The following PLEKHM3 variants were observed in gnomAD, a reference collection of about 807,000 sequenced individuals.
The protein encoded by PLEKHM3 is pleckstrin homology domain-containing family M member 3.
In PLEKHM3, 45 loss-of-function variants were observed where a neutral mutation model predicts 81.8. That is an observed-to-expected ratio of 0.55 (90% CI 0.43 to 0.71). The LOEUF (loss-of-function observed/expected upper bound fraction) is 0.71, where lower values mean the gene tolerates loss of function less well. PLEKHM3 is among the 30% of genes least tolerant of loss of function. PLEKHM3 has a pLI of 0.00. For synonymous variants in PLEKHM3, 352 were observed against 356.4 expected (o/e 0.99, Z 0.14); for missense variants, 788 against 924.3 (o/e 0.85, Z 1.91).
At chr2:207,884,126 C>T (rs1687807018) in intron 6 of PLEKHM3, among the ~76,000 whole-genome samples, 1 of 151,666 alleles carries the variant, frequency 6.6e-6, no homozygotes, top group African/African-American at 2.4e-5. Context: ...TAGCGAGACC[C>T]CCGTCCCCAC....
At chr2:207,995,023 C>T (rs972766048) in intron 2 of PLEKHM3, among the ~76,000 whole-genome samples, 1 of 152,132 alleles carries the variant, frequency 6.6e-6, no homozygotes, top group African/African-American at 2.4e-5. Context: ...GAACTTAAAG[C>T]ATAATAATTT....
chr2:207,915,591 T>C (rs750294992), intron 5 of PLEKHM3, among the ~76,000 whole-genome samples: 37 of 152,152 alleles, frequency 2.4e-4, no homozygotes, highest in Middle Eastern at 3.2e-3. Flanking sequence ...AAAGACTCAA[T>C]GATTAAAATG....
rs1018575700 is a variant in PLEKHM3 at position 207,927,548 on chromosome 2, G to A, written c.1886+3378C>T. 6.7e-5 allele frequency among the ~76,000 whole-genome samples: 10 copies of A among 149,410 alleles called. 1 individual carries two copies. In the Admixed American group the frequency reaches 6.7e-4, roughly 10 times the overall value. On this transcript the variant is annotated intron_variant, in intron 5 of 7. Coordinates refer to ENST00000427836, the MANE Select transcript of PLEKHM3 (RefSeq NM_001080475.3). Reference sequence around the variant, plus strand: ...AAAAAAAAAAAAAAGAAGTGTGGCTGGCTGGGTGTGGTGGCTCACACCTAT... The same window carrying A: ...AAAAAAAAAAAAAAGAAGTGTGGCTAGCTGGGTGTGGTGGCTCACACCTAT...
chr2:207,961,737 G>T (rs1308116477), intron 3 of PLEKHM3, among the ~76,000 whole-genome samples: 1 of 152,166 alleles, frequency 6.6e-6, no homozygotes, highest in Admixed American at 6.6e-5. Context: ...GAGCAGTCCA[G>T]AGCTGGTCAG....
chr2:207,911,066 A>G (rs1474751183), intron 5 of PLEKHM3, among the ~76,000 whole-genome samples: 1 of 152,128 alleles, frequency 6.6e-6, no homozygotes, highest in Non-Finnish European at 1.5e-5. Flanking sequence ...TGTGTGGGGA[A>G]CAGCAAGCAT....
chr2:207,828,729 TG>T (rs973227795), intron 7 of PLEKHM3, among the ~76,000 whole-genome samples: 8 of 152,068 alleles, frequency 5.3e-5, no homozygotes, highest in Admixed American at 3.3e-4. Flanking sequence ...GGCTTATGAG[TG>T]GGGGGGAGTC....
intron 2 of PLEKHM3, among the ~76,000 whole-genome samples, chr2:207,983,697 G>A (rs565839492): frequency 3.3e-5 from 5 of 151,868 alleles, no homozygotes; most frequent in East Asian, 1.9e-4. Flanking sequence ...TCTCCTCCTC[G>A]TCTTTACAGT....
chr2:207,997,894 C>T (rs1692173721), intron 2 of PLEKHM3, among the ~76,000 whole-genome samples: 1 of 152,180 alleles, frequency 6.6e-6, no homozygotes. Flanking sequence ...AGTCTTTCTT[C>T]AGTTTGGATT....
chr2:207,933,008 A>T (rs889676358), intron 4 of PLEKHM3, among the ~76,000 whole-genome samples: 4 of 152,210 alleles, frequency 2.6e-5, no homozygotes, highest in African/African-American at 9.7e-5. Flanking sequence ...AAAATACATC[A>T]TTTAAAAAAT....
chr2:207,853,793 CAA>C (rs1277852272), intron 7 of PLEKHM3, among the ~76,000 whole-genome samples: 3 of 151,066 alleles, frequency 2.0e-5, no homozygotes, highest in Non-Finnish European at 4.4e-5. Context: ...TTTTTTTTGA[CAA>C]AGTCTTACTC....
At chr2:207,997,750 T>C (rs1447729108) in intron 2 of PLEKHM3, among the ~76,000 whole-genome samples, 1 of 152,178 alleles carries the variant, frequency 6.6e-6, no homozygotes, top group Admixed American at 6.5e-5. Context: ...CACCAGGCAG[T>C]TGGAGATGCG....
intron 6 of PLEKHM3, among the ~76,000 whole-genome samples, chr2:207,880,070 T>A (rs1462860370): frequency 6.6e-6 from 1 of 152,210 alleles, no homozygotes; most frequent in Non-Finnish European, 1.5e-5. Flanking sequence ...GTTAATTGTT[T>A]AACTAAAAAA....
chr2:207,935,309 T>G (rs577891698), intron 4 of PLEKHM3, among the ~76,000 whole-genome samples: 7 of 152,272 alleles, frequency 4.6e-5, no homozygotes, highest in African/African-American at 1.7e-4. Context: ...CTCAAAGCTA[T>G]TTTACTACAG....
chr2:207,880,762 CAAAAAAAAA>C (rs61384566), intron 6 of PLEKHM3, among the ~76,000 whole-genome samples: 103 of 6,968 alleles, frequency 0.015, 1 homozygote, highest in South Asian at 0.071. Context: ...GACTCTGTCT[CAAAAAAAAA>C]AAAAAAAAAA....
chr2:207,874,997 T>G (rs1430239551), intron 6 of PLEKHM3, among the ~76,000 whole-genome samples: 1 of 152,050 alleles, frequency 6.6e-6, no homozygotes, highest in Non-Finnish European at 1.5e-5. Flanking sequence ...ATTTAGAATA[T>G]TAGAAAAATA....
At chr2:207,862,196 C>A (rs1256007795) in intron 6 of PLEKHM3, among the ~76,000 whole-genome samples, 1 of 152,244 alleles carries the variant, frequency 6.6e-6, no homozygotes, top group African/African-American at 2.4e-5. Flanking sequence ...GCCTTTGCTT[C>A]TCTCTAATTA....
At chr2:207,988,243 C>T (rs2106062141) in intron 2 of PLEKHM3, among the ~76,000 whole-genome samples, 1 of 152,302 alleles carries the variant, frequency 6.6e-6, no homozygotes, top group East Asian at 1.9e-4. Context: ...AACCCATGTC[C>T]TGTAGAAGTG....
intron 5 of PLEKHM3, among the ~76,000 whole-genome samples, chr2:207,920,998 G>C (rs1162746680): frequency 6.6e-6 from 1 of 152,038 alleles, no homozygotes; most frequent in African/African-American, 2.4e-5. Flanking sequence ...CTCTCAGAGT[G>C]TAGCATCTTA....
chr2:208,001,285 A>G lies in PLEKHM3; in HGVS notation c.355T>C (p.Phe119Leu). 2 of 1,614,212 alleles carry G rather than the reference A, an allele frequency of 1.2e-6. No homozygotes were observed. Among genetic ancestry groups the G allele is most frequent in the Non-Finnish European group, 1.7e-6 (2 of 1,180,038 alleles). ...MEQKEASTFN[F>L]FNICQRRRDR... ...CTCCGACGCTGACAGATATTGAAGAAATTAAAGGTTGATGCTTCCTTTTGT... is the reference window on the plus strand; with the variant it reads ...CTCCGACGCTGACAGATATTGAAGAGATTAAAGGTTGATGCTTCCTTTTGT... The change falls in exon 2 of 8, where the codon TTC (phenylalanine) becomes CTC (leucine). Residue 119 changes from phenylalanine (F) to leucine (L), a missense_variant. Phe to Leu is a conservative substitution (Grantham distance 22). Coordinates refer to ENST00000427836, the MANE Select transcript of PLEKHM3 (RefSeq NM_001080475.3).
Sources: gnomAD v4.1 joint callset for allele counts (sites outside exome capture counted in the v4.1 genomes callset) on GRCh38, gnomAD v4.1.1 for gene constraint, MANE v1.5 for transcripts, NCBI Gene and HGNC (gene_info 2026-07-23, HGNC 2026-07-21) for gene names.